PPIH: variants seen among roughly 807,000 people sequenced by gnomAD.
PPIH encodes peptidyl-prolyl cis-trans isomerase H.
In PPIH, 16 loss-of-function variants were observed where a neutral mutation model predicts 27.6. The ratio of observed to expected loss-of-function variants is 0.58; its 90% CI spans 0.39 to 0.88. The LOEUF (loss-of-function observed/expected upper bound fraction) is 0.88, where lower values mean the gene tolerates loss of function less well. Among genes scored for constraint, PPIH ranks in the 40% least tolerant of loss-of-function variants. The pLI is 0.00. For synonymous variants in PPIH, 63 were observed against 76.1 expected (o/e 0.83, Z 0.90); for missense variants, 155 against 224.1 (o/e 0.69, Z 1.97).
chr1:42,681,584 G>A (rs1181030106), downstream of PPIH: 1 of 152,198 alleles, frequency 6.6e-6, no homozygotes, highest in Admixed American at 6.5e-5. Flanking sequence ...CCTCTATCAC[G>A]TGGCTGTTGC....
In PPIH at chr1:42,660,752, C is replaced by T. The variant is rs148853876; in HGVS notation, c.201-110C>T. 1.7e-4 allele frequency: 172 copies of T among 983,802 alleles called. 1 individual carries two copies. In the East Asian group the frequency reaches 4.0e-3, roughly 23 times the overall value. 60.9% of individuals were successfully genotyped at this position (983,802 alleles called of 1,614,324 possible). A position where few individuals can be genotyped will look rare whatever the true frequency, so the allele number is the denominator to read the frequency against. On this transcript the variant is annotated intron_variant, in intron 4 of 9. Coordinates refer to ENST00000304979, the MANE Select transcript of PPIH (RefSeq NM_006347.4). ...GCTAAGAGTAATGATTTTATAATAG[C>T]CAAAGTGATAGTGTATTTTGAAATC... is the stretch of plus-strand genomic sequence containing the variant.
chr1:42,661,301 G>C (rs1170661383), intron 5 of PPIH, among the ~76,000 whole-genome samples: 1 of 152,040 alleles, frequency 6.6e-6, no homozygotes, highest in East Asian at 1.9e-4. Context: ...CTAAATGCTT[G>C]TTTCATTTTC....
At chr1:42,664,473 T>C (rs1649220174) in intron 5 of PPIH, among the ~76,000 whole-genome samples, 2 of 152,070 alleles carry the variant, frequency 1.3e-5, no homozygotes, top group South Asian at 4.2e-4. Flanking sequence ...CTTAGATAGT[T>C]TAGGGGAATG....
At chr1:42,661,826 G>A (rs889767343) in intron 5 of PPIH, among the ~76,000 whole-genome samples, 2 of 151,950 alleles carry the variant, frequency 1.3e-5, no homozygotes, top group Admixed American at 6.6e-5. Flanking sequence ...TTGTATAACT[G>A]TGAAATGGCA....
chr1:42,677,331 T>C (rs1649921590), downstream of PPIH, among the ~76,000 whole-genome samples: 1 of 152,036 alleles, frequency 6.6e-6, no homozygotes, highest in South Asian at 2.1e-4. Flanking sequence ...TTAGCTGGGC[T>C]TGGGGCACGT....
At chr1:42,678,566 AT>A (rs576827525), downstream of PPIH, among the ~76,000 whole-genome samples, 419 of 152,090 alleles carry the variant, frequency 2.8e-3, 1 homozygote, top group African/African-American at 9.8e-3. Context: ...TGCCCGTCTA[AT>A]TTTTTGTATT....
chr1:42,667,135 T>A (rs560599018), intron 8 of PPIH, among the ~76,000 whole-genome samples: 1 of 152,232 alleles, frequency 6.6e-6, no homozygotes, highest in Non-Finnish European at 1.5e-5. Context: ...CAATTCTCTC[T>A]TATAACTTTT....
At chr1:42,666,434 A>C in intron 7 of PPIH, 113 bp from the exon 8 acceptor site, 1 of 1,087,910 alleles carries the variant, frequency 9.2e-7, no homozygotes, top group Non-Finnish European at 1.4e-6. Flanking sequence ...ACCGCATCTT[A>C]ATTTCCTAAA....
At chr1:42,678,538 T>G (rs542345834), downstream of PPIH, among the ~76,000 whole-genome samples, 1 of 152,328 alleles carries the variant, frequency 6.6e-6, no homozygotes, top group South Asian at 2.1e-4. Context: ...TAGCTGGGAC[T>G]ACAGGCACAT....
intron 9 of PPIH, among the ~76,000 whole-genome samples, chr1:42,671,179 A>C (rs1649614256): frequency 6.6e-6 from 1 of 152,122 alleles, no homozygotes; most frequent in Admixed American, 6.5e-5. Flanking sequence ...CTGTAATCCC[A>C]GCACTTTGGG....
At chr1:42,680,934 G>C (rs1473287667), downstream of PPIH, among the ~76,000 whole-genome samples, 1 of 152,140 alleles carries the variant, frequency 6.6e-6, no homozygotes, top group East Asian at 1.9e-4. Context: ...ATGGCCTACA[G>C]TAGTGACAGT....
Position 42,658,889 on chromosome 1 carries a change from A to C in PPIH, c.112A>C (p.Lys38Gln). 6.2e-7 allele frequency: 1 copy of C among 1,614,186 alleles called. No individual in the cohort carries two copies. The highest frequency in any genetic ancestry group is 8.5e-7 in the Non-Finnish European group (1 of 1,180,022). The change falls in exon 2 of 10, where the codon AAG becomes CAG. Residue 38 changes from lysine to glutamine, a missense_variant. Coordinates refer to ENST00000304979, the MANE Select transcript of PPIH (RefSeq NM_006347.4). ...KIELFADVVP[K>Q]TAENFRQFCT... ...CGAGCTCTTTGCAGACGTTGTGCCT[A>C]AGACGGCCGAGAACTTTAGGTAAGG... is the stretch of plus-strand genomic sequence containing the variant.
At chr1:42,658,996 C>A in intron 2 of PPIH, 88 bp downstream of exon 2, 2 of 1,440,730 alleles carry the variant, frequency 1.4e-6, no homozygotes, top group South Asian at 1.2e-5. Context: ...TACCTCTGTC[C>A]GTCCGCTCAC....
rs113377687 is a variant in PPIH at position 42,658,955 on chromosome 1, G to A, written c.131+47G>A. 3,900 of 1,597,356 alleles carry A rather than the reference G, an allele frequency of 2.4e-3. 24 individuals are homozygous for A. Among genetic ancestry groups the A allele is most frequent in the African/African-American group, 0.022 (1,676 of 74,658 alleles). ...GCTGGATTAGCTGAGGCAGAAGTCGGGCTCCAGTCAGCCGCCTGAAATAGC... is the reference window on the plus strand; with the variant it reads ...GCTGGATTAGCTGAGGCAGAAGTCGAGCTCCAGTCAGCCGCCTGAAATAGC... On this transcript the variant is annotated intron_variant, in intron 2 of 9. Coordinates refer to ENST00000304979, the MANE Select transcript of PPIH (RefSeq NM_006347.4).
At chr1:42,667,859 T>C (rs981985133) in intron 9 of PPIH, among the ~76,000 whole-genome samples, 15 of 152,186 alleles carry the variant, frequency 9.9e-5, no homozygotes, top group Non-Finnish European at 1.9e-4. Context: ...CTGTCATGCC[T>C]CTCATCAGAA....
At chr1:42,676,893 T>A (rs1649910354), downstream of PPIH, 4 of 152,150 alleles carry the variant, frequency 2.6e-5, no homozygotes, top group Admixed American at 2.6e-4. Context: ...AGAGCCAAGC[T>A]TTTGCTGTGT....
At chr1:42,666,445 G>C in intron 7 of PPIH, 102 bp from the exon 8 acceptor site, 1 of 1,190,334 alleles carries the variant, frequency 8.4e-7, no homozygotes, top group Non-Finnish European at 1.2e-6. Flanking sequence ...ATTTCCTAAA[G>C]TTAGTATGAG....
chr1:42,680,559 G>A (rs1649992125), downstream of PPIH, among the ~76,000 whole-genome samples: 1 of 152,162 alleles, frequency 6.6e-6, no homozygotes, highest in African/African-American at 2.4e-5. Flanking sequence ...AAGATTTTAA[G>A]TAAGACAGTG....
At chr1:42,659,368 A>T (rs752158231) in intron 3 of PPIH, 117 bp downstream of exon 3, 1 of 1,614,084 alleles carries the variant, frequency 6.2e-7, no homozygotes. Context: ...ACAGTGATAG[A>T]AGGTAATGCC....
Sources: allele counts gnomAD v4.1 joint callset (sites outside exome capture counted in the v4.1 genomes callset), GRCh38; gene constraint gnomAD v4.1.1; transcripts MANE v1.5; gene names NCBI Gene and HGNC (gene_info 2026-07-23, HGNC 2026-07-21).